GRIN2A: variants seen among roughly 807,000 people sequenced by gnomAD.
The protein encoded by GRIN2A is glutamate receptor ionotropic, NMDA 2A.
In GRIN2A, 22 loss-of-function variants were observed where a neutral mutation model predicts 113.4. That is an observed-to-expected ratio of 0.19 (90% CI 0.14 to 0.28). GRIN2A has a LOEUF of 0.28. GRIN2A is among the 10% of genes least tolerant of loss of function. The probability of loss-of-function intolerance (pLI) is 1.00; values close to 1 mark genes in which losing one functional copy is unlikely to be tolerated. For synonymous variants in GRIN2A, 827 were observed against 738.4 expected (o/e 1.12, Z -1.94); for missense variants, 1,502 against 1,887.0 (o/e 0.80, Z 3.78).
chr16:10,063,174 G>C (rs1486720802), intron 2 of GRIN2A, among the ~76,000 whole-genome samples: 1 of 152,088 alleles, frequency 6.6e-6, no homozygotes, highest in Non-Finnish European at 1.5e-5. Flanking sequence ...GCTAAACACT[G>C]GGTATACATG....
chr16:10,016,881 C>T (rs2046620999), intron 2 of GRIN2A, among the ~76,000 whole-genome samples: 1 of 152,188 alleles, frequency 6.6e-6, no homozygotes, highest in African/African-American at 2.4e-5. Flanking sequence ...CAGGATGGAG[C>T]TGGCACAGAA....
At chr16:10,179,747 G>A (rs914623365) in intron 2 of GRIN2A, 5 of 541,954 alleles carry the variant, frequency 9.2e-6, no homozygotes, top group East Asian at 3.2e-5. Context: ...TTTTCTGAGC[G>A]CTTCCTGGCA....
chr16:9,753,757 A>T lies in GRIN2A; in HGVS notation c.*9392T>A, dbSNP rs970217798. 5.3e-6 allele frequency: 1 copy of T among 187,864 alleles called. No homozygotes were observed. Among genetic ancestry groups the T allele is most frequent in the African/African-American group, 2.3e-5 (1 of 42,854 alleles). 11.6% of individuals were successfully genotyped at this position (187,864 alleles called of 1,614,324 possible). A position where few individuals can be genotyped will look rare whatever the true frequency, so the allele number is the denominator to read the frequency against. ...CAGATATAAACTGCTGCAGTTGATC[A>T]GTGAACATTAATTCCCAAATGAAGA... On this transcript the variant is annotated 3_prime_UTR_variant, in exon 13 of 13. Coordinates refer to ENST00000330684, the MANE Select transcript of GRIN2A (RefSeq NM_001134407.3).
In GRIN2A at chr16:10,146,063, T is replaced by C. The variant is rs567131271; in HGVS notation, c.414+33935A>G. Among the ~76,000 whole-genome samples, 4 of 152,234 alleles carry C rather than the reference T, an allele frequency of 2.6e-5. No individual in the cohort carries two copies. In the East Asian group the frequency reaches 7.7e-4, roughly 29 times the overall value. ...CCTTGGTGCCAGGTAGAAACACAAATAAAAGGAAGACAGGAACAAGATGGG... is the reference window on the plus strand; with the variant it reads ...CCTTGGTGCCAGGTAGAAACACAAACAAAAGGAAGACAGGAACAAGATGGG... On this transcript the variant is annotated intron_variant, in intron 2 of 12. Transcript: ENST00000330684.
rs1279642514 is a variant in GRIN2A at position 9,763,038 on chromosome 16, C to T, written c.*111G>A. Reference sequence around the variant, plus strand: ...CAACAACAACAACAACAAAATACCTCCCTACATCTTCTTCCTCTTAGCAGG... The same window carrying T: ...CAACAACAACAACAACAAAATACCTTCCTACATCTTCTTCCTCTTAGCAGG... On this transcript the variant is annotated 3_prime_UTR_variant, in exon 13 of 13. Transcript: ENST00000330684. 2.8e-6 allele frequency: 3 copies of T among 1,090,282 alleles called. No homozygotes were observed. Among genetic ancestry groups the T allele is most frequent in the African/African-American group, 1.5e-5 (1 of 64,750 alleles). 67.5% of individuals were successfully genotyped at this position (1,090,282 alleles called of 1,614,324 possible).
At chr16:9,896,264 G>T (rs1478394866) in intron 3 of GRIN2A, among the ~76,000 whole-genome samples, 1 of 152,126 alleles carries the variant, frequency 6.6e-6, no homozygotes, top group African/African-American at 2.4e-5. Context: ...TGGCCAGGCT[G>T]GTTTGAACTC....
intron 2 of GRIN2A, among the ~76,000 whole-genome samples, chr16:10,054,749 TA>T (rs1294583426): frequency 6.6e-6 from 1 of 150,942 alleles, no homozygotes. Flanking sequence ...TAATACTGAG[TA>T]AAAAAGAGTA....
At chr16:9,938,938 G>C (rs1191298324) in intron 2 of GRIN2A, among the ~76,000 whole-genome samples, 1 of 152,110 alleles carries the variant, frequency 6.6e-6, no homozygotes, top group Non-Finnish European at 1.5e-5. Flanking sequence ...CATCAGCAAA[G>C]ACAGTTTTCT....
intron 3 of GRIN2A, among the ~76,000 whole-genome samples, chr16:9,894,921 C>T (rs1342699264): frequency 6.6e-6 from 1 of 152,158 alleles, no homozygotes; most frequent in Non-Finnish European, 1.5e-5. Context: ...ATTCATCCAT[C>T]TATCAATACA....
At chr16:10,130,163 A>C (rs1709920505) in intron 2 of GRIN2A, among the ~76,000 whole-genome samples, 1 of 152,236 alleles carries the variant, frequency 6.6e-6, no homozygotes, top group African/African-American at 2.4e-5. Context: ...ATTCAAGGTT[A>C]CATGGCTGGG....
intron 2 of GRIN2A, among the ~76,000 whole-genome samples, chr16:10,071,654 G>T (rs1460649697): frequency 6.6e-6 from 1 of 152,146 alleles, no homozygotes; most frequent in Non-Finnish European, 1.5e-5. Flanking sequence ...ACAGGGCTCA[G>T]GTGGTAAATG....
At chr16:9,991,068 A>G (rs1567221190) in intron 2 of GRIN2A, among the ~76,000 whole-genome samples, 1 of 146,620 alleles carries the variant, frequency 6.8e-6, no homozygotes, top group African/African-American at 2.5e-5. Flanking sequence ...CTCTGTCTCA[A>G]AAAAAGAAAA....
intron 2 of GRIN2A, among the ~76,000 whole-genome samples, chr16:10,085,751 G>A (rs982363165): frequency 6.6e-6 from 1 of 152,202 alleles, no homozygotes; most frequent in South Asian, 2.1e-4. Flanking sequence ...ATATAATGTG[G>A]TAAGTCTGAG....
intron 4 of GRIN2A, among the ~76,000 whole-genome samples, chr16:9,854,316 G>A (rs2042932887): frequency 6.6e-6 from 1 of 151,746 alleles, no homozygotes; most frequent in African/African-American, 2.4e-5. Context: ...ATTGAGGGTG[G>A]CCGTCTGAAT....
intron 2 of GRIN2A, among the ~76,000 whole-genome samples, chr16:10,158,600 A>G (rs1246113486): frequency 6.6e-6 from 1 of 152,264 alleles, no homozygotes; most frequent in Non-Finnish European, 1.5e-5. Context: ...GAAAAGGAAT[A>G]AAGTACTGAT....
At chr16:9,974,215 G>C (rs139060149) in intron 2 of GRIN2A, among the ~76,000 whole-genome samples, 268 of 152,234 alleles carry the variant, frequency 1.8e-3, no homozygotes, top group African/African-American at 6.3e-3. Context: ...GAAAAAGAAA[G>C]AGAAGCGAAA....
chr16:9,791,026 A>G (rs777117937), intron 11 of GRIN2A, among the ~76,000 whole-genome samples: 1 of 152,344 alleles, frequency 6.6e-6, no homozygotes, highest in Middle Eastern at 3.4e-3. Flanking sequence ...GTTTATTTTC[A>G]TATTTAATCC....
At chr16:9,813,907 T>C (rs2042138589) in intron 10 of GRIN2A, among the ~76,000 whole-genome samples, 1 of 152,192 alleles carries the variant, frequency 6.6e-6, no homozygotes, top group African/African-American at 2.4e-5. Context: ...ATGCCCGCTT[T>C]CGAATTCAGC....
At chr16:9,907,616 T>G (rs779595759) in intron 3 of GRIN2A, among the ~76,000 whole-genome samples, 1 of 152,152 alleles carries the variant, frequency 6.6e-6, no homozygotes, top group Non-Finnish European at 1.5e-5. Flanking sequence ...GATATTATTT[T>G]TAAAAATAAA....
Sources: allele counts gnomAD v4.1 joint callset (sites outside exome capture counted in the v4.1 genomes callset), GRCh38; gene constraint gnomAD v4.1.1; transcripts MANE v1.5; gene names NCBI Gene and HGNC (gene_info 2026-07-23, HGNC 2026-07-21).